MDM4: variants seen among roughly 807,000 people sequenced by gnomAD.
MDM4 encodes MDM4 regulator of p53.
Under a neutral mutation model 60.2 loss-of-function variants are expected in MDM4, and 2 were observed. The observed-to-expected ratio is 0.03, with a 90% confidence interval of 0.01 to 0.10. The LOEUF (loss-of-function observed/expected upper bound fraction) is 0.10. Ranked by LOEUF, MDM4 falls within the 10% of genes least tolerant of loss-of-function variation. The pLI is 1.00. For missense variants in MDM4, 447 were observed against 577.5 expected, an observed-to-expected ratio of 0.77 and a Z score of 2.32; for synonymous variants, 202 against 198.1, an observed-to-expected ratio of 1.02 and a Z score of -0.17.
intron 3 of MDM4, chr1:204,528,779 A>T: frequency 1.1e-6 from 1 of 947,284 alleles, no homozygotes; most frequent in Non-Finnish European, 1.7e-6. Context: ...AGGTCCACGT[A>T]CTTCTGTCAC....
chr1:204,542,149 TC>T (rs1572510103), intron 7 of MDM4, among the ~76,000 whole-genome samples: 5 of 152,342 alleles, frequency 3.3e-5, no homozygotes, highest in Admixed American at 2.6e-4. Context: ...AGCCCATTGA[TC>T]CAGCGAGGGC....
At chr1:204,547,792 C>T (rs1196049894) in intron 10 of MDM4, among the ~76,000 whole-genome samples, 1 of 152,246 alleles carries the variant, frequency 6.6e-6, no homozygotes, top group African/African-American at 2.4e-5. Context: ...GGCATAATCT[C>T]GGCTCACTGC....
At chr1:204,529,569 G>A in intron 3 of MDM4, 1 of 1,455,278 alleles carries the variant, frequency 6.9e-7, no homozygotes, top group Non-Finnish European at 9.3e-7. Context: ...GCCACCACCA[G>A]GGGGTAGCAC....
At position 204,550,779 on chromosome 1, in the gene MDM4, C is replaced by T. The variant is rs917180040; in HGVS notation, c.*1097C>T. The T allele has an allele frequency of 1.7e-5, 3 of 176,230 alleles. No individual in the cohort carries two copies. Among genetic ancestry groups the T allele is most frequent in the Non-Finnish European group, 2.4e-5 (2 of 81,888 alleles). The allele number at this position is 176,230 out of a possible 1,614,324, so 10.9% of individuals were successfully genotyped here. A position where few individuals can be genotyped will look rare whatever the true frequency, so the allele number is the denominator to read the frequency against. On this transcript the variant is annotated 3_prime_UTR_variant, in exon 11 of 11. Coordinates refer to ENST00000367182, the MANE Select transcript of MDM4 (RefSeq NM_002393.5). The stretch of plus-strand genomic sequence containing the variant: ...GAACTCCTGGGTTTAAGTGATTCCC[C>T]CGCCTCAGCCTCCCAAAGTGTTGGG...
Position 204,551,366 on chromosome 1 carries a change from A to G in MDM4, c.*1684A>G. ...CTACCCTCTTTGCGTCTTAGGAGTC[A>G]TTTAGATTTTTTTTGATCCTTTTGT... On this transcript the variant is annotated 3_prime_UTR_variant, in exon 11 of 11. Transcript: ENST00000367182. The G allele has an allele frequency of 4.4e-6, 1 of 227,098 alleles. No homozygotes were observed. Among genetic ancestry groups the G allele is most frequent in the Non-Finnish European group, 8.6e-6 (1 of 115,610 alleles). The allele number at this position is 227,098 out of a possible 1,614,324, so 14.1% of individuals were successfully genotyped here.
chr1:204,538,706 CTT>C (rs761804094), intron 7 of MDM4, among the ~76,000 whole-genome samples: 71 of 139,378 alleles, frequency 5.1e-4, no homozygotes, highest in Admixed American at 7.2e-4. Flanking sequence ...AATTTTCATA[CTT>C]TTTTTTTTTT....
rs56047802 is a variant in MDM4, at chr1:204,551,461, C to CTTTTT, written c.*1804_*1808dup. 114 of 91,476 alleles carry CTTTTT rather than the reference C, an allele frequency of 1.2e-3. 14 individuals carry two copies. The highest frequency in any genetic ancestry group is 7.0e-3 in the African/African-American group (96 of 13,798). 5.7% of individuals were successfully genotyped at this position (91,476 alleles called of 1,614,324 possible). A position where few individuals can be genotyped will look rare whatever the true frequency, so the allele number is the denominator to read the frequency against. On this transcript the variant is annotated 3_prime_UTR_variant, in exon 11 of 11. Transcript: ENST00000367182. ...ATACTGGATGGTTGAGAGGCAGCCT[C>CTTTTT]TTTTTTTTTTTTTTTTTTTTTTTTT...
intron 1 of MDM4, among the ~76,000 whole-genome samples, chr1:204,524,107 C>T (rs1169229899): frequency 1.3e-5 from 2 of 151,974 alleles, no homozygotes; most frequent in Non-Finnish European, 1.5e-5. Context: ...TTTACTGAAA[C>T]GAGGGGCAAG....
In MDM4 at chr1:204,550,861, A is replaced by G; in HGVS notation, c.*1179A>G. 1 of 179,134 alleles carries G rather than the reference A, an allele frequency of 5.6e-6. No homozygotes were observed. 11.1% of individuals were successfully genotyped at this position (179,134 alleles called of 1,614,324 possible). A position where few individuals can be genotyped will look rare whatever the true frequency, so the allele number is the denominator to read the frequency against. ...AAGATATTTTTATGAAAGCCCTGGG[A>G]CTATAGATTTAGCTGATTAAATTTA... On this transcript the variant is annotated 3_prime_UTR_variant, in exon 11 of 11. Coordinates refer to ENST00000367182, the MANE Select transcript of MDM4 (RefSeq NM_002393.5).
intron 1 of MDM4, among the ~76,000 whole-genome samples, chr1:204,521,816 T>G (rs1386653947): frequency 6.6e-6 from 1 of 152,226 alleles, no homozygotes; most frequent in Non-Finnish European, 1.5e-5. Flanking sequence ...AAATAGACAG[T>G]TACAAATTCC....
chr1:204,524,216 A>G (rs1465503064), intron 1 of MDM4, among the ~76,000 whole-genome samples: 1 of 152,200 alleles, frequency 6.6e-6, no homozygotes, highest in Non-Finnish European at 1.5e-5. Context: ...TTTGGAGAGC[A>G]TCTCAGAACT....
rs569485541 is a variant in MDM4 at position 204,536,269 on chromosome 1, G to C, written c.344-1161G>C. ...TCCGTCTCAAACAAACAAAAAAATT[G>C]CTCCATCTGCATTATATGTTAGTCC... On this transcript the variant is annotated intron_variant, in intron 5 of 10. Transcript: ENST00000367182. 2.3e-4 allele frequency among the ~76,000 whole-genome samples: 35 copies of C among 152,252 alleles called. 1 individual carries two copies. The South Asian group carries it at 7.1e-3, about 31-fold the overall frequency.
Position 204,556,049 on chromosome 1 carries a change from CTT to C in MDM4, c.*6371_*6372del, listed in dbSNP as rs34768840. ...GGAAGAAAACAGCATTTTAAAGTAACTTTTTGGGAGACTGATTTGAGTAATAA... is the reference window on the plus strand; with the variant it reads ...GGAAGAAAACAGCATTTTAAAGTAACTTTGGGAGACTGATTTGAGTAATAA... On this transcript the variant is annotated 3_prime_UTR_variant, in exon 11 of 11. Coordinates refer to ENST00000367182, the MANE Select transcript of MDM4 (RefSeq NM_002393.5). 4.6e-6 allele frequency: 1 copy of C among 216,450 alleles called. No homozygotes were observed. Among genetic ancestry groups the C allele is most frequent in the African/African-American group, 2.3e-5 (1 of 44,338 alleles). 13.4% of individuals were successfully genotyped at this position (216,450 alleles called of 1,614,324 possible). A position where few individuals can be genotyped will look rare whatever the true frequency, so the allele number is the denominator to read the frequency against.
At chr1:204,527,171 G>T (rs1430986892) in intron 3 of MDM4, among the ~76,000 whole-genome samples, 1 of 151,402 alleles carries the variant, frequency 6.6e-6, no homozygotes, top group African/African-American at 2.4e-5. Context: ...GGGCATGGTG[G>T]TCTGCTCGTT....
rs1229133778 is a variant in MDM4, at chr1:204,555,158, C to CTT, written c.*5490_*5491dup. On this transcript the variant is annotated 3_prime_UTR_variant, in exon 11 of 11. Transcript: ENST00000367182. ...GGACAGTTAGTAGAACTCTCCATTT[C>CTT]TTTTTTTTTTTTTTTAGACGGAGTC... 2.1e-3 allele frequency: 345 copies of CTT among 168,156 alleles called. 1 individual carries two copies. Among genetic ancestry groups the CTT allele is most frequent in the African/African-American group, 7.3e-3 (291 of 39,632 alleles). 10.4% of individuals were successfully genotyped at this position (168,156 alleles called of 1,614,324 possible).
At chr1:204,526,249 T>A in intron 2 of MDM4, 111 bp from the exon 3 acceptor site, 1 of 852,522 alleles carries the variant, frequency 1.2e-6, no homozygotes. Context: ...GAGCAAGACC[T>A]TGCCTCAAAA....
At chr1:204,519,885 G>A (rs969891395) in intron 1 of MDM4, among the ~76,000 whole-genome samples, 1 of 152,116 alleles carries the variant, frequency 6.6e-6, no homozygotes, top group Non-Finnish European at 1.5e-5. Context: ...ATAAATAACA[G>A]AACGGATACA....
At chr1:204,516,887 AAGTT>A (rs1659030132) in intron 1 of MDM4, among the ~76,000 whole-genome samples, 1 of 152,106 alleles carries the variant, frequency 6.6e-6, no homozygotes, top group Admixed American at 6.6e-5. Context: ...TTAAGTTTTT[AAGTT>A]AGTTTTTAGG....
At chr1:204,532,696 A>G (rs1030534813) in intron 5 of MDM4, 61 of 1,499,814 alleles carry the variant, frequency 4.1e-5, no homozygotes, top group Non-Finnish European at 5.1e-5. Context: ...CCTTTGGTTG[A>G]TATGTCTCAT....
Sources: allele counts gnomAD v4.1 joint callset (sites outside exome capture counted in the v4.1 genomes callset), GRCh38; gene constraint gnomAD v4.1.1; transcripts MANE v1.5; gene names NCBI Gene and HGNC (gene_info 2026-07-23, HGNC 2026-07-21).